Variants in CYYR1 observed in about 807,000 individuals in gnomAD.
CYYR1 encodes the protein cysteine and tyrosine-rich protein 1.
A neutral mutation model predicts 15.2 loss-of-function variants in CYYR1; 14 were observed. The observed-to-expected ratio is 0.92, with a 90% CI of 0.61 to 1.44. CYYR1 has a LOEUF of 1.44. CYYR1 is among the 40% of genes most tolerant of loss of function. The pLI is 0.00. For missense variants in CYYR1, 228 were observed against 209.5 expected (o/e 1.09, Z -0.54); for synonymous variants, 80 against 77.4 (o/e 1.03, Z -0.18).
At chr21:26,568,501 T>C (rs1980796190) in intron 1 of CYYR1, 1 of 152,166 alleles carries the variant, frequency 6.6e-6, no homozygotes, top group African/African-American at 2.4e-5. Flanking sequence ...CCTCAAACTA[T>C]AAGACTCCTA....
In CYYR1 at chr21:26,468,599, C is replaced by T; in HGVS notation, c.370G>A (p.Glu124Lys). 6.2e-7 allele frequency: 1 copy of T among 1,612,532 alleles called. No individual in the cohort carries two copies. Among genetic ancestry groups the T allele is most frequent in the Non-Finnish European group, 8.5e-7 (1 of 1,179,196 alleles). The change falls in exon 4 of 4, where the codon GAA becomes AAA. Residue 124 changes from glutamate to lysine, a missense_variant. Glu to Lys is a moderately conservative substitution (Grantham distance 56). Coordinates refer to ENST00000652641, the MANE Select transcript of CYYR1 (RefSeq NM_001320768.2). ...GGAGGAGGCAAGTCTGCACAGTATT[C>T]CATCTCGTGGTCGTGACCGTAGGGT... Reference protein sequence around the residue: ...PPPYGHDHEMEYCADLPPPYS... With the variant: ...PPPYGHDHEMKYCADLPPPYS...
intron 3 of CYYR1, among the ~76,000 whole-genome samples, chr21:26,474,896 C>T (rs574114458): frequency 1.3e-5 from 2 of 152,150 alleles, no homozygotes; most frequent in South Asian, 4.2e-4. Context: ...TCATGGTGTC[C>T]TTTGTTATTC....
At chr21:26,478,268 C>A (rs576508118) in intron 3 of CYYR1, 60 of 1,185,510 alleles carry the variant, frequency 5.1e-5, no homozygotes, top group Admixed American at 2.4e-4. Context: ...TCAGAAGGGA[C>A]ACATTACAAT....
At chr21:26,548,115 T>C (rs1303882691) in intron 2 of CYYR1, among the ~76,000 whole-genome samples, 1 of 152,228 alleles carries the variant, frequency 6.6e-6, no homozygotes, top group Non-Finnish European at 1.5e-5. Context: ...CATGGGTCTC[T>C]GTTAGCTATT....
chr21:26,475,879 G>C (rs906599820), intron 3 of CYYR1, among the ~76,000 whole-genome samples: 2 of 152,094 alleles, frequency 1.3e-5, no homozygotes, highest in African/African-American at 2.4e-5. Context: ...CAAGGTGAAG[G>C]CATCTTCATA....
chr21:26,554,326 T>A (rs1331303566), intron 2 of CYYR1, among the ~76,000 whole-genome samples: 1 of 152,198 alleles, frequency 6.6e-6, no homozygotes, highest in Non-Finnish European at 1.5e-5. Flanking sequence ...TGATTTTTGA[T>A]ATTATATATG....
chr21:26,483,890 A>C (rs2065216567), intron 2 of CYYR1, among the ~76,000 whole-genome samples: 1 of 151,980 alleles, frequency 6.6e-6, no homozygotes, highest in South Asian at 2.1e-4. Flanking sequence ...TTTGGTGCTC[A>C]TTTGACTCTC....
intron 2 of CYYR1, among the ~76,000 whole-genome samples, chr21:26,484,429 G>T (rs1331741473): frequency 6.6e-6 from 1 of 152,082 alleles, no homozygotes; most frequent in Non-Finnish European, 1.5e-5. Flanking sequence ...TACTTCTATA[G>T]GCATTTTTAC....
At chr21:26,554,564 T>C (rs559185064) in intron 2 of CYYR1, among the ~76,000 whole-genome samples, 41 of 152,138 alleles carry the variant, frequency 2.7e-4, no homozygotes, top group Non-Finnish European at 5.1e-4. Flanking sequence ...CAATCACATT[T>C]GATTAAGGGC....
intron 2 of CYYR1, among the ~76,000 whole-genome samples, chr21:26,529,740 A>G (rs1238445332): frequency 1.3e-5 from 2 of 152,212 alleles, no homozygotes; most frequent in East Asian, 1.9e-4. Context: ...ACATAGTGCT[A>G]TTTTTGACAC....
At chr21:26,570,764 C>A (rs1301276472) in intron 1 of CYYR1, among the ~76,000 whole-genome samples, 1 of 152,180 alleles carries the variant, frequency 6.6e-6, no homozygotes, top group East Asian at 1.9e-4. Context: ...CAGCATCTAA[C>A]CTCAACCCTT....
chr21:26,517,422 T>C (rs1002959491), intron 2 of CYYR1, among the ~76,000 whole-genome samples: 5 of 152,224 alleles, frequency 3.3e-5, no homozygotes, highest in Non-Finnish European at 7.3e-5. Flanking sequence ...AAAACTTATT[T>C]GTCTATCTAG....
chr21:26,520,907 T>C (rs1186156163), intron 2 of CYYR1, among the ~76,000 whole-genome samples: 14 of 152,170 alleles, frequency 9.2e-5, no homozygotes, highest in Admixed American at 1.3e-4. Flanking sequence ...CTGGAAGCCA[T>C]TATCCTCAGC....
At chr21:26,477,949 C>A in intron 3 of CYYR1, 1 of 1,402,472 alleles carries the variant, frequency 7.1e-7, no homozygotes, top group Non-Finnish European at 9.3e-7. Flanking sequence ...GTAGTGAGTA[C>A]ATTCCAGGGT....
At chr21:26,471,941 A>G (rs1208012069) in intron 3 of CYYR1, among the ~76,000 whole-genome samples, 1 of 152,198 alleles carries the variant, frequency 6.6e-6, no homozygotes, top group Non-Finnish European at 1.5e-5. Context: ...TCGGAGAAGA[A>G]ATGTAATGTT....
chr21:26,499,279 C>T (rs1347710508), intron 2 of CYYR1, among the ~76,000 whole-genome samples: 5 of 152,102 alleles, frequency 3.3e-5, no homozygotes, highest in African/African-American at 1.2e-4. Context: ...AAGGGACACA[C>T]AGGGGCGATG....
chr21:26,572,205 T>A (rs1023327276), intron 1 of CYYR1, among the ~76,000 whole-genome samples: 1 of 152,188 alleles, frequency 6.6e-6, no homozygotes. Flanking sequence ...TATACCTGAA[T>A]AACCAATGAA....
At chr21:26,500,202 C>T (rs2065461493) in intron 2 of CYYR1, among the ~76,000 whole-genome samples, 2 of 152,106 alleles carry the variant, frequency 1.3e-5, no homozygotes, top group African/African-American at 4.8e-5. Context: ...CTCATCTAAA[C>T]CTAATTCTCT....
At chr21:26,571,749 A>G (rs2123754122) in intron 1 of CYYR1, among the ~76,000 whole-genome samples, 1 of 152,388 alleles carries the variant, frequency 6.6e-6, no homozygotes, top group Admixed American at 6.5e-5. Flanking sequence ...TTGTAAACAG[A>G]TTAAATGTAA....
Sources: gnomAD v4.1 joint callset for allele counts (sites outside exome capture counted in the v4.1 genomes callset) on GRCh38, gnomAD v4.1.1 for gene constraint, MANE v1.5 for transcripts, NCBI Gene and HGNC (gene_info 2026-07-23, HGNC 2026-07-21) for gene names.